The following ATG7 variants were observed in gnomAD, a reference collection of about 807,000 sequenced individuals.
The protein encoded by ATG7 is ubiquitin-like modifier-activating enzyme ATG7.
A neutral mutation model predicts 82.4 loss-of-function variants in ATG7; 70 were observed. The ratio of observed to expected loss-of-function variants is 0.85; its 90% CI spans 0.70 to 1.04. The LOEUF (loss-of-function observed/expected upper bound fraction) is 1.04, where lower values mean the gene tolerates loss of function less well. Ranked by LOEUF, ATG7 falls within the 50% of genes least tolerant of loss-of-function variation. ATG7 has a pLI of 0.00. For missense variants in ATG7, 792 were observed against 864.3 expected, an observed-to-expected ratio of 0.92 and a Z score of 1.05; for synonymous variants, 287 against 313.0, an observed-to-expected ratio of 0.92 and a Z score of 0.88.
At chr3:11,541,446 C>T (rs2070826480) in intron 20 of ATG7, among the ~76,000 whole-genome samples, 2 of 152,182 alleles carry the variant, frequency 1.3e-5, no homozygotes, top group Non-Finnish European at 2.9e-5. Context: ...AAACTATCTG[C>T]TGCCTGAAGC....
At chr3:11,431,903 C>G (rs964048660) in intron 20 of ATG7, among the ~76,000 whole-genome samples, 7 of 152,160 alleles carry the variant, frequency 4.6e-5, no homozygotes, top group Admixed American at 1.3e-4. Context: ...CATATCCAAG[C>G]TAGAATCATC....
rs2091489182 is a variant in ATG7 at position 11,503,529 on chromosome 3, T to TG, written c.2080-51279dup. Among the ~76,000 whole-genome samples, 7 of 151,674 alleles carry TG rather than the reference T, an allele frequency of 4.6e-5. No individual in the cohort carries two copies. In the South Asian group the frequency reaches 1.5e-3, roughly 32 times the overall value. On this transcript the variant is annotated intron_variant, in intron 20 of 20. Coordinates refer to ENST00000693202, the MANE Select transcript of ATG7 (RefSeq NM_001349232.2). ...ATCCCAGCACTTTGGGAGGCTGAGG[T>TG]GGGCAGATCACGAAGTCAGGAGGTC...
At chr3:11,490,340 G>C (rs373761371) in intron 20 of ATG7, among the ~76,000 whole-genome samples, 12 of 152,172 alleles carry the variant, frequency 7.9e-5, no homozygotes, top group South Asian at 2.1e-4. Flanking sequence ...CTTCCTCCAT[G>C]CTTTTATTTT....
chr3:11,284,309 CT>C (rs1435536908), intron 3 of ATG7, among the ~76,000 whole-genome samples: 1 of 152,192 alleles, frequency 6.6e-6, no homozygotes, highest in African/African-American at 2.4e-5. Flanking sequence ...GGAAGCACTC[CT>C]GCTTCAATTA....
intron 20 of ATG7, among the ~76,000 whole-genome samples, chr3:11,513,827 C>T (rs749401277): frequency 3.9e-5 from 6 of 152,378 alleles, no homozygotes; most frequent in South Asian, 2.1e-4. Flanking sequence ...CTTTATGAAA[C>T]GTAGAGAGCA....
At chr3:11,449,507 G>T (rs571386840) in intron 20 of ATG7, among the ~76,000 whole-genome samples, 2 of 152,284 alleles carry the variant, frequency 1.3e-5, no homozygotes, top group Non-Finnish European at 2.9e-5. Flanking sequence ...GTGAGAGAGA[G>T]TATGATTGGT....
the ATG7 span, among the ~76,000 whole-genome samples, chr3:11,566,260 CT>C: frequency 2.6e-5 from 4 of 152,186 alleles, no homozygotes; most frequent in Non-Finnish European, 1.5e-5. Flanking sequence ...ATAGGCGTAC[CT>C]TTCTAAAACT....
chr3:11,324,258 A>AT (rs1279917157), intron 9 of ATG7, among the ~76,000 whole-genome samples: 18 of 152,360 alleles, frequency 1.2e-4, no homozygotes, highest in African/African-American at 4.1e-4. Context: ...TATGAAAAAT[A>AT]TTTTTTAAAA....
At chr3:11,391,998 G>A (rs962994714) in intron 19 of ATG7, among the ~76,000 whole-genome samples, 3 of 150,758 alleles carry the variant, frequency 2.0e-5, no homozygotes, top group South Asian at 2.1e-4. Context: ...TAGCAGCTTC[G>A]AGGACTTAAT....
chr3:11,459,187 A>AG (rs1423187406), intron 20 of ATG7, among the ~76,000 whole-genome samples: 2 of 151,438 alleles, frequency 1.3e-5, no homozygotes, highest in African/African-American at 2.4e-5. Context: ...AAAAAAAAAA[A>AG]AACAGCAAAA....
intron 8 of ATG7, 92 bp from the exon 9 acceptor site, chr3:11,315,252 T>C: frequency 1.7e-6 from 2 of 1,197,494 alleles, no homozygotes; most frequent in East Asian, 2.7e-5. Flanking sequence ...TCTAGTCTTC[T>C]GGTTTTAAGG....
intron 7 of ATG7, among the ~76,000 whole-genome samples, chr3:11,312,155 A>C (rs1325455891): frequency 6.6e-6 from 1 of 152,150 alleles, no homozygotes; most frequent in African/African-American, 2.4e-5. Context: ...ACTTTTTAAC[A>C]TGGTGAATTT....
intron 19 of ATG7, among the ~76,000 whole-genome samples, chr3:11,382,595 T>C (rs1236649158): frequency 6.6e-6 from 1 of 152,236 alleles, no homozygotes; most frequent in African/African-American, 2.4e-5. Flanking sequence ...AAGACCTTAT[T>C]TGACGTTTAT....
At chr3:11,467,219 A>G (rs2086923224) in intron 20 of ATG7, among the ~76,000 whole-genome samples, 1 of 152,178 alleles carries the variant, frequency 6.6e-6, no homozygotes, top group African/African-American at 2.4e-5. Flanking sequence ...AAGAGATAGC[A>G]TGGGGCAGTG....
chr3:11,463,741 A>G (rs1051961722), intron 20 of ATG7, among the ~76,000 whole-genome samples: 2 of 152,170 alleles, frequency 1.3e-5, no homozygotes, highest in African/African-American at 2.4e-5. Context: ...AAGTGTGACT[A>G]CTGGCAGCTC....
intron 20 of ATG7, among the ~76,000 whole-genome samples, chr3:11,435,989 G>T (rs1393655360): frequency 6.6e-6 from 1 of 152,146 alleles, no homozygotes; most frequent in African/African-American, 2.4e-5. Context: ...AGTCCCAGCT[G>T]CTTGGGAGGC....
At chr3:11,424,489 A>C (rs77045548) in intron 19 of ATG7, among the ~76,000 whole-genome samples, 72 of 152,064 alleles carry the variant, frequency 4.7e-4, no homozygotes, top group Middle Eastern at 3.4e-3. Context: ...ACAACAACAA[A>C]AAAAACACTG....
At chr3:11,574,216 C>T in the ATG7 span, among the ~76,000 whole-genome samples, 1 of 152,208 alleles carries the variant, frequency 6.6e-6, no homozygotes, top group Non-Finnish European at 1.5e-5. Context: ...GCCGTACCCA[C>T]CCGCTGCCTT....
In ATG7 at chr3:11,315,551, A is replaced by C. The variant is rs544373859; in HGVS notation, c.678+58A>C. The C allele has an allele frequency of 5.7e-6, 8 of 1,412,404 alleles. No individual in the cohort carries two copies. The South Asian group carries it at 7.4e-5, about 13-fold the overall frequency. The allele number at this position is 1,412,404 out of a possible 1,614,324, so 87.5% of individuals were successfully genotyped here. On this transcript the variant is annotated intron_variant, in intron 9 of 20. Transcript: ENST00000693202. Reference sequence around the variant, plus strand: ...TAGTTTTTTAAAAAATCTGAAGTTCATGTTACAAGAGACCACTGCAAAATT... The same window carrying C: ...TAGTTTTTTAAAAAATCTGAAGTTCCTGTTACAAGAGACCACTGCAAAATT...
Sources: gnomAD v4.1 joint callset for allele counts (sites outside exome capture counted in the v4.1 genomes callset) on GRCh38, gnomAD v4.1.1 for gene constraint, MANE v1.5 for transcripts, NCBI Gene and HGNC (gene_info 2026-07-23, HGNC 2026-07-21) for gene names.